The following UNC5D variants were observed in gnomAD, a reference collection of about 807,000 sequenced individuals.
UNC5D encodes netrin receptor UNC5D.
UNC5D carries 39 observed loss-of-function variants against 105.4 expected under a neutral mutation model. The ratio of observed to expected loss-of-function variants is 0.37; its 90% CI spans 0.29 to 0.48. UNC5D has a LOEUF of 0.48. Among genes scored for constraint, UNC5D ranks in the 20% least tolerant of loss-of-function variants. The pLI is 0.98. For missense variants in UNC5D, 991 were observed against 1,202.4 expected (o/e 0.82, Z 2.60); for synonymous variants, 452 against 450.4 (o/e 1.00, Z -0.04).
At chr8:35,338,051 T>G (rs745943396) in intron 1 of UNC5D, among the ~76,000 whole-genome samples, 8 of 152,232 alleles carry the variant, frequency 5.3e-5, no homozygotes, top group Non-Finnish European at 8.8e-5. Flanking sequence ...AAAAAGGAAC[T>G]CAAAATGAAG....
chr8:35,599,265 G>A (rs1256812284), intron 4 of UNC5D, among the ~76,000 whole-genome samples: 1 of 151,438 alleles, frequency 6.6e-6, no homozygotes, highest in Non-Finnish European at 1.5e-5. Context: ...ACAATATTTT[G>A]GTTAGAGAGG....
chr8:35,456,871 C>G (rs917169731), intron 1 of UNC5D, among the ~76,000 whole-genome samples: 13 of 152,162 alleles, frequency 8.5e-5, no homozygotes, highest in South Asian at 2.1e-4. Flanking sequence ...GGATATTGGA[C>G]TGTTTTTGGA....
intron 1 of UNC5D, among the ~76,000 whole-genome samples, chr8:35,453,389 G>A (rs906327683): frequency 2.0e-5 from 3 of 152,208 alleles, no homozygotes; most frequent in South Asian, 2.1e-4. Context: ...GAAATCCAAG[G>A]ACATAGTTAA....
At chr8:35,403,060 A>G (rs1284859817) in intron 1 of UNC5D, among the ~76,000 whole-genome samples, 1 of 152,062 alleles carries the variant, frequency 6.6e-6, no homozygotes, top group Non-Finnish European at 1.5e-5. Context: ...GGAATACATG[A>G]GCTAACATTT....
chr8:35,696,276 TATTTA>T, intron 7 of UNC5D, among the ~76,000 whole-genome samples: 1 of 148,694 alleles, frequency 6.7e-6, no homozygotes, highest in Non-Finnish European at 1.5e-5. Flanking sequence ...TTATTATCAA[TATTTA>T]ATTTTTTTTT....
chr8:35,340,860 T>A (rs1339167885), intron 1 of UNC5D, among the ~76,000 whole-genome samples: 4 of 152,176 alleles, frequency 2.6e-5, no homozygotes, highest in African/African-American at 9.7e-5. Flanking sequence ...CATATTTTGG[T>A]CAAAAATCTA....
chr8:35,373,597 C>T lies in UNC5D; in HGVS notation c.103+137710C>T, dbSNP rs145121839. Among the ~76,000 whole-genome samples the T allele has an allele frequency of 2.1e-3, 315 of 152,136 alleles. 2 individuals carry two copies. Among genetic ancestry groups the T allele is most frequent in the African/African-American group, 7.1e-3 (295 of 41,508 alleles). ...CGATAAAGCTGACAATTCATGCAGC[C>T]GAGGGGCTCCCTGATAAGGAAGATG... On this transcript the variant is annotated intron_variant, in intron 1 of 16. Transcript: ENST00000404895.
At chr8:35,300,132 C>A (rs1421105200) in intron 1 of UNC5D, among the ~76,000 whole-genome samples, 1 of 151,790 alleles carries the variant, frequency 6.6e-6, no homozygotes, top group Non-Finnish European at 1.5e-5. Flanking sequence ...TTCTCTTATG[C>A]CTTAGTTTAG....
intron 1 of UNC5D, among the ~76,000 whole-genome samples, chr8:35,426,158 A>G (rs1385643252): frequency 1.3e-5 from 2 of 152,150 alleles, no homozygotes; most frequent in Non-Finnish European, 2.9e-5. Context: ...AGTGTTTGAC[A>G]ATAAGACGTG....
intron 11 of UNC5D, among the ~76,000 whole-genome samples, chr8:35,734,335 CAAAAAAAAAAA>C (rs10657691): frequency 0.1 from 2,839 of 28,284 alleles, 93 homozygotes; most frequent in Non-Finnish European, 0.17. Flanking sequence ...TAATCACTGT[CAAAAAAAAAAA>C]AAAAAAAAAA....
chr8:35,334,892 A>C (rs183230345), intron 1 of UNC5D, among the ~76,000 whole-genome samples: 13 of 152,306 alleles, frequency 8.5e-5, no homozygotes, highest in Non-Finnish European at 1.6e-4. Context: ...CACCATAATT[A>C]AGATAATGAA....
At chr8:35,620,757 T>C (rs1344047774) in intron 4 of UNC5D, among the ~76,000 whole-genome samples, 2 of 152,220 alleles carry the variant, frequency 1.3e-5, no homozygotes, top group African/African-American at 4.8e-5. Flanking sequence ...TATTGGGCTT[T>C]CATCCCTGAG....
intron 1 of UNC5D, among the ~76,000 whole-genome samples, chr8:35,503,893 C>T (rs1053938251): frequency 3.3e-5 from 5 of 152,172 alleles, no homozygotes; most frequent in African/African-American, 1.2e-4. Context: ...AACATGCTAG[C>T]TGAGTGCCCG....
intron 1 of UNC5D, among the ~76,000 whole-genome samples, chr8:35,397,158 G>T (rs1804159820): frequency 6.6e-6 from 1 of 152,050 alleles, no homozygotes; most frequent in South Asian, 2.1e-4. Flanking sequence ...TGCCAGCCTT[G>T]GTCTCCCAAA....
chr8:35,458,542 A>C (rs1808651941), intron 1 of UNC5D, among the ~76,000 whole-genome samples: 1 of 152,022 alleles, frequency 6.6e-6, no homozygotes, highest in African/African-American at 2.4e-5. Context: ...GAAAGCCCTC[A>C]CTCTTGCCAC....
At position 35,657,088 on chromosome 8, in the gene UNC5D, A is replaced by G. The variant is rs1302264061; in HGVS notation, c.571-26459A>G. ...TGTGTGTGTGTGTGTGTGTATATAT[A>G]TATATATATATATATATATATATAT... On this transcript the variant is annotated intron_variant, in intron 4 of 16. Transcript: ENST00000404895. 6.4e-3 allele frequency among the ~76,000 whole-genome samples: 507 copies of G among 79,228 alleles called. 3 individuals are homozygous for G. The highest frequency in any genetic ancestry group is 0.019 in the African/African-American group (301 of 16,034). 52.0% of individuals were successfully genotyped at this position (79,228 alleles called of 152,430 possible).
chr8:35,468,254 C>T (rs1268912283), intron 1 of UNC5D, among the ~76,000 whole-genome samples: 1 of 152,172 alleles, frequency 6.6e-6, no homozygotes, highest in Non-Finnish European at 1.5e-5. Flanking sequence ...CAGGGATAGG[C>T]AAGTACTTTT....
chr8:35,458,572 G>A (rs1242674716), intron 1 of UNC5D, among the ~76,000 whole-genome samples: 2 of 152,268 alleles, frequency 1.3e-5, no homozygotes, highest in East Asian at 1.9e-4. Context: ...CAAAGAAGCT[G>A]ATTAAAAATA....
chr8:35,612,690 T>A (rs1820762095), intron 4 of UNC5D, among the ~76,000 whole-genome samples: 1 of 151,446 alleles, frequency 6.6e-6, no homozygotes, highest in South Asian at 2.1e-4. Context: ...TCTTTACCAT[T>A]TATTTAGTAT....
Sources: allele counts gnomAD v4.1 joint callset (sites outside exome capture counted in the v4.1 genomes callset), GRCh38; gene constraint gnomAD v4.1.1; transcripts MANE v1.5; gene names NCBI Gene and HGNC (gene_info 2026-07-23, HGNC 2026-07-21).